Variants in OPHN1 observed in about 807,000 individuals in gnomAD.
The protein encoded by OPHN1 is oligophrenin-1.
Under a neutral mutation model 60.7 loss-of-function variants are expected in OPHN1, and 11 were observed. The ratio of observed to expected loss-of-function variants is 0.18; its 90% CI spans 0.11 to 0.30. The LOEUF (loss-of-function observed/expected upper bound fraction) is 0.30, where lower values mean the gene tolerates loss of function less well. OPHN1 is among the 10% of genes least tolerant of loss of function. OPHN1 has a pLI of 1.00. For missense variants in OPHN1, 449 were observed against 611.0 expected, an observed-to-expected ratio of 0.73 and a Z score of 2.80; for synonymous variants, 226 against 222.6, an observed-to-expected ratio of 1.02 and a Z score of -0.14.
chrX:68,425,396 A>C (rs1054999055), intron 2 of OPHN1, among the ~76,000 whole-genome samples: 5 of 112,604 alleles, frequency 4.4e-5, no homozygotes, highest in African/African-American at 1.6e-4. Context: ...AAAACAAAAT[A>C]ATAAAACCAG....
intron 2 of OPHN1, among the ~76,000 whole-genome samples, chrX:68,300,827 A>T (rs2078116227): frequency 8.9e-6 from 1 of 112,745 alleles, no homozygotes; most frequent in Admixed American, 9.4e-5. Context: ...GTTATTAATT[A>T]TTCCTCTTCT....
intron 3 of OPHN1, among the ~76,000 whole-genome samples, chrX:68,284,650 C>T (rs2078032679): frequency 9.0e-6 from 1 of 111,583 alleles, no homozygotes; most frequent in African/African-American, 3.3e-5. Context: ...AGTTGCAGAA[C>T]ATTTTCATCA....
chrX:68,373,862 T>C (rs925840004), intron 2 of OPHN1, among the ~76,000 whole-genome samples: 1 of 111,183 alleles, frequency 9.0e-6, no homozygotes, highest in Non-Finnish European at 1.9e-5. Flanking sequence ...TTCTAAGTTG[T>C]CACAGTTAAG....
chrX:68,164,376 T>C (rs991906766), intron 15 of OPHN1, among the ~76,000 whole-genome samples: 2 of 112,328 alleles, frequency 1.8e-5, no homozygotes, highest in Non-Finnish European at 3.8e-5. Context: ...ATCCATGAGC[T>C]ACACAGAATG....
At chrX:68,320,092 G>A (rs1486990097) in intron 2 of OPHN1, among the ~76,000 whole-genome samples, 1 of 111,751 alleles carries the variant, frequency 8.9e-6, no homozygotes, top group Non-Finnish European at 1.9e-5. Context: ...GCTCACACCT[G>A]TAATCCCAGC....
At chrX:68,393,859 G>T (rs751952270) in intron 2 of OPHN1, among the ~76,000 whole-genome samples, 35 of 92,678 alleles carry the variant, frequency 3.8e-4, no homozygotes, top group African/African-American at 1.1e-3. Flanking sequence ...TTCCGAAATG[G>T]CTATCAAGGT....
intron 2 of OPHN1, among the ~76,000 whole-genome samples, chrX:68,383,850 CTT>C (rs2078610662): frequency 9.1e-6 from 1 of 110,486 alleles, no homozygotes; most frequent in African/African-American, 3.3e-5. Flanking sequence ...CTGTTTATAT[CTT>C]TGCCTCAGTG....
intron 5 of OPHN1, among the ~76,000 whole-genome samples, chrX:68,267,739 C>T (rs1476090220): frequency 9.0e-6 from 1 of 111,715 alleles, no homozygotes; most frequent in Admixed American, 9.6e-5. Context: ...ATCAATGAAT[C>T]CAGGAGCTGG....
At chrX:68,071,868 A>C in intron 20 of OPHN1, 1 of 323,961 alleles carries the variant, frequency 3.1e-6, no homozygotes, top group Non-Finnish European at 5.5e-6. Context: ...ATTTTAAAGG[A>C]TGTGCTGTTA....
chrX:68,084,344 AGGGGAGAGGGAGGAACGG>A (rs1461560984), intron 19 of OPHN1, among the ~76,000 whole-genome samples: 8 of 50,722 alleles, frequency 1.6e-4, no homozygotes, highest in East Asian at 8.5e-4. Context: ...GGAGGGAGAG[AGGGGAGAGGGAGGAACGG>A]GGGGAGAGGG....
intron 2 of OPHN1, among the ~76,000 whole-genome samples, chrX:68,425,395 T>C (rs2078848891): frequency 8.9e-6 from 1 of 112,310 alleles, no homozygotes; most frequent in African/African-American, 3.2e-5. Context: ...GAAAACAAAA[T>C]AATAAAACCA....
At chrX:68,071,036 C>A (rs765028119) in intron 20 of OPHN1, 1 of 1,131,151 alleles carries the variant, frequency 8.8e-7, no homozygotes, top group Admixed American at 2.2e-5. Context: ...TTGTTGAGCA[C>A]CTTAAGGAAG....
intron 6 of OPHN1, among the ~76,000 whole-genome samples, chrX:68,231,356 T>C (rs2077728052): frequency 8.9e-6 from 1 of 112,002 alleles, no homozygotes; most frequent in Non-Finnish European, 1.9e-5. Flanking sequence ...TTCATGGAAA[T>C]AAAAACTGCT....
chrX:68,379,465 T>C (rs1228502845), intron 2 of OPHN1, among the ~76,000 whole-genome samples: 27 of 105,268 alleles, frequency 2.6e-4, no homozygotes, highest in Non-Finnish European at 3.5e-4. Context: ...TCCAACACTA[T>C]GTTGAATAGG....
intron 15 of OPHN1, among the ~76,000 whole-genome samples, chrX:68,123,124 T>C (rs752035276): frequency 4.5e-5 from 5 of 111,445 alleles, no homozygotes; most frequent in South Asian, 3.8e-4. Flanking sequence ...CTCGAATATG[T>C]CTGACAGCAG....
intron 15 of OPHN1, among the ~76,000 whole-genome samples, chrX:68,185,556 T>C (rs2077458520): frequency 9.0e-6 from 1 of 111,354 alleles, no homozygotes; most frequent in Admixed American, 9.6e-5. Flanking sequence ...GTCTGGCTAC[T>C]TGTATCTAGA....
chrX:68,208,667 T>C (rs1038565286), intron 9 of OPHN1, among the ~76,000 whole-genome samples: 12 of 112,027 alleles, frequency 1.1e-4, no homozygotes, highest in African/African-American at 3.2e-4. Flanking sequence ...AGTAGCAATG[T>C]TATGCCCATA....
chrX:68,213,103 T>C (rs776423136), intron 7 of OPHN1, among the ~76,000 whole-genome samples: 2 of 112,377 alleles, frequency 1.8e-5, no homozygotes, highest in Non-Finnish European at 3.8e-5. Flanking sequence ...GTATGGTAGC[T>C]CATGCCTGTA....
chrX:68,394,803 C>T (rs959343952), intron 2 of OPHN1, among the ~76,000 whole-genome samples: 4 of 111,200 alleles, frequency 3.6e-5, no homozygotes, highest in Non-Finnish European at 7.5e-5. Flanking sequence ...CGCGCTACCA[C>T]GCCCAGCTAA....
Sources: allele counts gnomAD v4.1 joint callset (sites outside exome capture counted in the v4.1 genomes callset), GRCh38; gene constraint gnomAD v4.1.1; transcripts MANE v1.5; gene names NCBI Gene and HGNC (gene_info 2026-07-23, HGNC 2026-07-21).